Variants in COG8 observed in about 807,000 individuals in gnomAD.
The protein encoded by COG8 is conserved oligomeric Golgi complex subunit 8.
Under a neutral mutation model 46.5 loss-of-function variants are expected in COG8, and 45 were observed. The ratio of observed to expected loss-of-function variants is 0.97; its 90% confidence interval spans 0.76 to 1.24. The LOEUF (loss-of-function observed/expected upper bound fraction) is 1.24, where lower values mean the gene tolerates loss of function less well. Ranked by LOEUF, COG8 falls within the 50% of genes most tolerant of loss-of-function variation. The pLI, the probability that COG8 is intolerant of heterozygous loss-of-function variation, is 0.00. For synonymous variants in COG8, 407 were observed against 347.8 expected (o/e 1.17, Z -1.90); for missense variants, 793 against 820.8 (o/e 0.97, Z 0.41).
At chr16:69,334,276 A>G (rs2012059440) in intron 3 of COG8, among the ~76,000 whole-genome samples, 1 of 152,238 alleles carries the variant, frequency 6.6e-6, no homozygotes, top group Admixed American at 6.5e-5. Flanking sequence ...GAAATTTGTT[A>G]TGCAGCACTA....
chr16:69,329,247 C>CT, intron 5 of COG8, 68 bp from the exon 6 acceptor site: 1 of 1,447,908 alleles, frequency 6.9e-7, no homozygotes, highest in Non-Finnish European at 9.0e-7. Flanking sequence ...CCTCCCTACC[C>CT]CTGCCCCCGG....
At position 69,327,190 on chromosome 16, in the gene COG8, CAG is replaced by C. The variant is rs1965620550; in HGVS notation, c.*2014_*2015del. On this transcript the variant is annotated 3_prime_UTR_variant, in exon 6 of 6. Coordinates refer to ENST00000306875, the MANE Select transcript of COG8 (RefSeq NM_032382.5). ...TTTTTTTTTTTTTTTTTTTTTGAGACAGAGCCTTGGTCTGTCGCCCAGGCTGG... is the reference window on the plus strand; with the variant it reads ...TTTTTTTTTTTTTTTTTTTTTGAGACAGCCTTGGTCTGTCGCCCAGGCTGG... 1 of 99,092 alleles carries C rather than the reference CAG, an allele frequency of 1.0e-5. No individual in the cohort carries two copies. The highest frequency in any genetic ancestry group is 3.3e-4 in the South Asian group (1 of 3,010). The allele number at this position is 99,092 out of a possible 1,614,324, so 6.1% of individuals were successfully genotyped here.
rs1965690309 is a variant in COG8, at chr16:69,329,001, C to G, written c.*205G>C. 2 of 1,596,582 alleles carry G rather than the reference C, an allele frequency of 1.3e-6. No individual in the cohort carries two copies. Among genetic ancestry groups the G allele is most frequent in the African/African-American group, 1.3e-5 (1 of 74,204 alleles). ...TGTTTGCGTCTTGGTATCCGGAATCCTCAGCCCCAGTAGCAAAGCTTTAGT... is the reference window on the plus strand; with the variant it reads ...TGTTTGCGTCTTGGTATCCGGAATCGTCAGCCCCAGTAGCAAAGCTTTAGT... On this transcript the variant is annotated 3_prime_UTR_variant, in exon 6 of 6. Coordinates refer to ENST00000306875, the MANE Select transcript of COG8 (RefSeq NM_032382.5).
chr16:69,338,971 C>T, intron 1 of COG8: 1 of 711,236 alleles, frequency 1.4e-6, no homozygotes, highest in Non-Finnish European at 2.3e-6. Context: ...TCCAGCCTGG[C>T]GACAGGGCGA....
At position 69,330,656 on chromosome 16, in the gene COG8, G is replaced by A. The variant is rs893465234; in HGVS notation, c.*26+157C>T. The A allele has an allele frequency of 2.5e-5, 35 of 1,404,522 alleles. No individual in the cohort carries two copies. In the South Asian group the frequency reaches 3.4e-4, roughly 14 times the overall value. 87.0% of individuals were successfully genotyped at this position (1,404,522 alleles called of 1,614,324 possible). A position where few individuals can be genotyped will look rare whatever the true frequency, so the allele number is the denominator to read the frequency against. ...GAAGCGCCGTCGGCCAGCACACAGC[G>A]AAGCCGCGACTGGATCCCCGCCTTC... On this transcript the variant is annotated intron_variant, in intron 5 of 5. Transcript: ENST00000306875.
intron 1 of COG8, 44 bp downstream of exon 1, chr16:69,339,131 AG>A (rs1284440291): frequency 6.2e-7 from 1 of 1,612,186 alleles, no homozygotes; most frequent in Non-Finnish European, 8.5e-7. Flanking sequence ...CGTAAATGTC[AG>A]CTTTTACAGT....
At chr16:69,330,304 C>A (rs756834324) in intron 5 of COG8, 9 of 1,433,044 alleles carry the variant, frequency 6.3e-6, no homozygotes, top group South Asian at 4.3e-5. Flanking sequence ...GCAGCTCGGG[C>A]CCGCCTAGCT....
rs998352797 is a variant in COG8, at chr16:69,328,283, A to C, written c.*923T>G. ...CTACACATTGGTTGCTGTGATATTA[A>C]TTCTATTTTTACAAAATAAGTGTAT... On this transcript the variant is annotated 3_prime_UTR_variant, in exon 6 of 6. Coordinates refer to ENST00000306875, the MANE Select transcript of COG8 (RefSeq NM_032382.5). 4.6e-5 allele frequency: 7 copies of C among 152,226 alleles called. No homozygotes were observed. Among genetic ancestry groups the C allele is most frequent in the Admixed American group, 3.9e-4 (6 of 15,282 alleles). The allele number at this position is 152,226 out of a possible 1,614,324, so 9.4% of individuals were successfully genotyped here.
chr16:69,337,477 T>TC (rs961001072), intron 1 of COG8, among the ~76,000 whole-genome samples: 8 of 152,182 alleles, frequency 5.3e-5, no homozygotes, highest in Non-Finnish European at 1.0e-4. Flanking sequence ...CTGCCTAGAA[T>TC]CCACAATCTT....
chr16:69,329,034 CT>C lies in COG8; in HGVS notation c.*171del, dbSNP rs1567428175. On this transcript the variant is annotated 3_prime_UTR_variant, in exon 6 of 6. Coordinates refer to ENST00000306875, the MANE Select transcript of COG8 (RefSeq NM_032382.5). ...CAGTAGCAAAGCTTTAGTCATTCAC[CT>C]TCATCCAATAGACGTTTGTGAACGT... The C allele has an allele frequency of 2.5e-6, 4 of 1,609,482 alleles. No individual in the cohort carries two copies. In the Middle Eastern group the frequency reaches 5.0e-4, roughly 199 times the overall value.
chr16:69,337,097 A>C (rs2012247133), intron 1 of COG8, among the ~76,000 whole-genome samples: 1 of 151,850 alleles, frequency 6.6e-6, no homozygotes. Context: ...CCAGGAGTTC[A>C]AGTGAAACCC....
chr16:69,329,953 GAC>G lies in COG8; in HGVS notation c.*27-776_*27-775del, dbSNP rs1282127176. ...CGCTCTCGCGGAGTCGGGCAGAAGA[GAC>G]GCGCGCGCTGCTCCAGCAGCCCCGG... On this transcript the variant is annotated intron_variant, in intron 5 of 5. Transcript: ENST00000306875. 11 of 1,490,036 alleles carry G rather than the reference GAC, an allele frequency of 7.4e-6. No individual in the cohort carries two copies. The Admixed American group carries it at 1.2e-4, about 16-fold the overall frequency. The allele number at this position is 1,490,036 out of a possible 1,614,324, so 92.3% of individuals were successfully genotyped here.
intron 1 of COG8, among the ~76,000 whole-genome samples, chr16:69,337,535 C>G (rs2012273857): frequency 1.3e-5 from 2 of 152,168 alleles, no homozygotes; most frequent in African/African-American, 4.8e-5. Context: ...AACCATAGTT[C>G]CTGCCACAGT....
intron 2 of COG8, 85 bp downstream of exon 2, chr16:69,336,420 G>T: frequency 7.7e-7 from 1 of 1,303,644 alleles, no homozygotes; most frequent in Non-Finnish European, 1.1e-6. Context: ...ACATGCAAGA[G>T]TTTCTACCTA....
At chr16:69,329,406 T>C (rs1297548619) in intron 5 of COG8, among the ~76,000 whole-genome samples, 1 of 152,242 alleles carries the variant, frequency 6.6e-6, no homozygotes. Context: ...TCGAGCTCAC[T>C]GTAGAGCTGA....
At chr16:69,330,446 G>A (rs762874045) in intron 5 of COG8, 10 of 1,473,544 alleles carry the variant, frequency 6.8e-6, no homozygotes, top group South Asian at 2.6e-5. Context: ...CCGCAGCGCC[G>A]GGCCCTCGAC....
chr16:69,335,493 A>G (rs1289364954), intron 2 of COG8, 145 bp from the exon 3 acceptor site: 2 of 767,704 alleles, frequency 2.6e-6, no homozygotes, highest in Non-Finnish European at 4.5e-6. Flanking sequence ...CTGTAGGTTC[A>G]CCAACAAAGA....
chr16:69,329,581 G>A (rs1965718628), intron 5 of COG8, among the ~76,000 whole-genome samples: 2 of 152,146 alleles, frequency 1.3e-5, no homozygotes, highest in South Asian at 2.1e-4. Flanking sequence ...CAATCACCCC[G>A]ACCCCAGCAG....
intron 2 of COG8, 113 bp downstream of exon 2, chr16:69,336,392 G>A (rs979201275): frequency 1.1e-6 from 1 of 937,626 alleles, no homozygotes. Flanking sequence ...ATACCTGGCT[G>A]GCAGAAACTG....
Sources: allele counts gnomAD v4.1 joint callset (sites outside exome capture counted in the v4.1 genomes callset), GRCh38; gene constraint gnomAD v4.1.1; transcripts MANE v1.5; gene names NCBI Gene and HGNC (gene_info 2026-07-23, HGNC 2026-07-21).